CCDC12: variants seen among roughly 807,000 people sequenced by gnomAD.
The protein encoded by CCDC12 is coiled-coil domain containing 12.
In CCDC12, 28 loss-of-function variants were observed where a neutral mutation model predicts 25.7. The observed-to-expected ratio is 1.09, with a 90% CI of 0.81 to 1.50. The LOEUF is 1.50. CCDC12 is among the 40% of genes most tolerant of loss of function. The pLI is 0.00. For synonymous variants in CCDC12, 75 were observed against 87.7 expected (o/e 0.86, Z 0.81); for missense variants, 198 against 210.0 (o/e 0.94, Z 0.35).
intron 2 of CCDC12, among the ~76,000 whole-genome samples, chr3:46,935,593 C>T (rs1436213131): frequency 2.0e-5 from 3 of 151,998 alleles, no homozygotes; most frequent in Non-Finnish European, 2.9e-5. Context: ...CAGGGCACAT[C>T]TTATCTGGGC....
At chr3:46,935,536 C>A (rs1355723286) in intron 2 of CCDC12, among the ~76,000 whole-genome samples, 1 of 151,992 alleles carries the variant, frequency 6.6e-6, no homozygotes, top group Non-Finnish European at 1.5e-5. Flanking sequence ...AAGCAGCTGA[C>A]ACTGACATGA....
intron 1 of CCDC12, among the ~76,000 whole-genome samples, chr3:46,958,337 T>TA: frequency 6.6e-6 from 1 of 152,296 alleles, no homozygotes; most frequent in East Asian, 1.9e-4. Context: ...ACTCAGATCT[T>TA]AGTTATAGAC....
chr3:46,959,899 C>G (rs556869319), intron 1 of CCDC12, among the ~76,000 whole-genome samples: 17 of 152,346 alleles, frequency 1.1e-4, no homozygotes, highest in Non-Finnish European at 2.1e-4. Context: ...TCTACCAGCT[C>G]AGGCTCTGTC....
At chr3:46,979,798 C>A (rs2035174802), upstream of CCDC12, 4 of 386,534 alleles carry the variant, frequency 1.0e-5, no homozygotes, top group South Asian at 3.4e-4. Context: ...CGAGGGCAAC[C>A]GGCGGGCGGC....
chr3:46,945,246 A>G (rs2107147688), intron 1 of CCDC12, among the ~76,000 whole-genome samples: 1 of 152,358 alleles, frequency 6.6e-6, no homozygotes, highest in Middle Eastern at 3.4e-3. Flanking sequence ...CAGAAATGCT[A>G]CCAATTTAAC....
intron 1 of CCDC12, among the ~76,000 whole-genome samples, chr3:46,951,798 A>AAAAAAAAAAAAAAAAAAAT: frequency 5.9e-4 from 5 of 8,466 alleles, no homozygotes; most frequent in Non-Finnish European, 1.1e-3. Flanking sequence ...AAAAAAAAAA[A>AAAAAAAAAAAAAAAAAAAT]ATATATATAT....
At chr3:46,923,419 A>G in intron 4 of CCDC12, 56 bp from the exon 5 acceptor site, 2 of 1,550,534 alleles carry the variant, frequency 1.3e-6, no homozygotes, top group African/African-American at 1.4e-5. Context: ...GACAAGGGGG[A>G]GGGCAGGCTC....
At chr3:46,961,447 T>G (rs2034462434) in intron 1 of CCDC12, among the ~76,000 whole-genome samples, 2 of 152,222 alleles carry the variant, frequency 1.3e-5, no homozygotes, top group Middle Eastern at 3.4e-3. Flanking sequence ...GCTCGGTAGG[T>G]CCAGAGTATG....
chr3:46,942,186 T>C (rs544501841), intron 1 of CCDC12, among the ~76,000 whole-genome samples: 2 of 152,272 alleles, frequency 1.3e-5, no homozygotes, highest in Non-Finnish European at 2.9e-5. Context: ...ATTACCTCTG[T>C]TAGGTCAGCC....
rs149613964 is a variant in CCDC12 at position 46,947,938 on chromosome 3, G to A, written c.97-6873C>T. Among the ~76,000 whole-genome samples, 184 of 152,324 alleles carry A rather than the reference G, an allele frequency of 1.2e-3. No individual in the cohort carries two copies. In the Middle Eastern group the frequency reaches 0.02, roughly 17 times the overall value. ...ATCACCATTACAAGGAAATGATGAA[G>A]GAGAAAAGCCTGCAGCTTAGGGAGC... On this transcript the variant is annotated intron_variant, in intron 1 of 6. Transcript: ENST00000683445.
chr3:46,925,993 C>T (rs2032941361), intron 2 of CCDC12, among the ~76,000 whole-genome samples: 1 of 152,272 alleles, frequency 6.6e-6, no homozygotes, highest in South Asian at 2.1e-4. Flanking sequence ...AAGAGAAGGC[C>T]AGTGGTCACC....
At chr3:46,942,219 G>A (rs965253889) in intron 1 of CCDC12, among the ~76,000 whole-genome samples, 1 of 152,258 alleles carries the variant, frequency 6.6e-6, no homozygotes, top group African/African-American at 2.4e-5. Flanking sequence ...AACTGACGCA[G>A]GGCGTGTGTG....
chr3:46,921,860 C>G lies in CCDC12; in HGVS notation c.*197G>C. ...GGCACGCCCAGAGTTGTTGCTGGTT[C>G]TGCCTCCATTCAGAATGGCAGGGGC... On this transcript the variant is annotated 3_prime_UTR_variant, in exon 7 of 7. Coordinates refer to ENST00000683445, the MANE Select transcript of CCDC12 (RefSeq NM_001277074.2). 1 of 608,726 alleles carries G rather than the reference C, an allele frequency of 1.6e-6. No individual in the cohort carries two copies. The highest frequency in any genetic ancestry group is 2.9e-6 in the Non-Finnish European group (1 of 342,862). 37.7% of individuals were successfully genotyped at this position (608,726 alleles called of 1,614,324 possible). A position where few individuals can be genotyped will look rare whatever the true frequency, so the allele number is the denominator to read the frequency against.
intron 1 of CCDC12, among the ~76,000 whole-genome samples, chr3:46,946,602 G>A (rs1198084429): frequency 1.3e-5 from 2 of 152,224 alleles, no homozygotes; most frequent in South Asian, 2.1e-4. Flanking sequence ...CTCCAGCACC[G>A]TGGGAGGGCT....
chr3:46,966,369 C>T (rs1479072830), intron 1 of CCDC12, among the ~76,000 whole-genome samples: 1 of 151,994 alleles, frequency 6.6e-6, no homozygotes, highest in Non-Finnish European at 1.5e-5. Flanking sequence ...AAAAATTAGC[C>T]GGGCGCGGTG....
At chr3:46,966,418 CAGG>C (rs1237728935) in intron 1 of CCDC12, among the ~76,000 whole-genome samples, 2 of 151,978 alleles carry the variant, frequency 1.3e-5, no homozygotes, top group Non-Finnish European at 2.9e-5. Flanking sequence ...GTGGCTGAGG[CAGG>C]AGAACGGCTT....
chr3:46,946,334 T>C (rs1027737008), intron 1 of CCDC12, among the ~76,000 whole-genome samples: 6 of 152,252 alleles, frequency 3.9e-5, no homozygotes, highest in African/African-American at 1.4e-4. Flanking sequence ...TAAGGAAAGC[T>C]TTACTAAATA....
intron 2 of CCDC12, among the ~76,000 whole-genome samples, chr3:46,939,913 C>T (rs1282532421): frequency 6.6e-6 from 1 of 152,128 alleles, no homozygotes; most frequent in Non-Finnish European, 1.5e-5. Flanking sequence ...TGCCCAGCTT[C>T]CTCTAAAGAG....
At chr3:46,922,373 C>T (rs989509650) in intron 5 of CCDC12, 61 bp from the exon 6 acceptor site, 3 of 1,575,248 alleles carry the variant, frequency 1.9e-6, no homozygotes, top group Non-Finnish European at 2.6e-6. Context: ...GGCATTGGGT[C>T]CCCTCCCCTC....
Sources: allele counts gnomAD v4.1 joint callset (sites outside exome capture counted in the v4.1 genomes callset), GRCh38; gene constraint gnomAD v4.1.1; transcripts MANE v1.5; gene names NCBI Gene and HGNC (gene_info 2026-07-23, HGNC 2026-07-21).